Variants in SLC24A2 observed in about 807,000 individuals in gnomAD.
The protein encoded by SLC24A2 is solute carrier family 24 member 2.
Under a neutral mutation model 62.0 loss-of-function variants are expected in SLC24A2, and 36 were observed. The observed-to-expected ratio is 0.58, with a 90% CI of 0.44 to 0.77. The LOEUF is 0.77. Among genes scored for constraint, SLC24A2 ranks in the 30% least tolerant of loss-of-function variants. The pLI is 0.00. For synonymous variants in SLC24A2, 358 were observed against 294.0 expected (o/e 1.22, Z -2.23); for missense variants, 846 against 817.9 (o/e 1.03, Z -0.42).
At chr9:19,868,125 A>G in the SLC24A2 span, among the ~76,000 whole-genome samples, 1 of 152,160 alleles carries the variant, frequency 6.6e-6, no homozygotes, top group South Asian at 2.1e-4. Context: ...TGCTTAAAAC[A>G]GTAACTTCTC....
intron 2 of SLC24A2, among the ~76,000 whole-genome samples, chr9:19,684,783 T>C (rs573298064): frequency 1.3e-5 from 2 of 151,970 alleles, no homozygotes; most frequent in Non-Finnish European, 2.9e-5. Context: ...AAATTCACTA[T>C]GTTTTGAGGA....
chr9:20,042,568 T>C, the SLC24A2 span, among the ~76,000 whole-genome samples: 1 of 152,148 alleles, frequency 6.6e-6, no homozygotes, highest in African/African-American at 2.4e-5. Flanking sequence ...TCCTTCTGGG[T>C]CCTAGGCCTT....
chr9:19,774,644 C>A (rs1166382413), intron 2 of SLC24A2, among the ~76,000 whole-genome samples: 1 of 152,138 alleles, frequency 6.6e-6, no homozygotes, highest in Non-Finnish European at 1.5e-5. Flanking sequence ...GAAGGTGAAA[C>A]CTGTATTTCT....
intron 2 of SLC24A2, among the ~76,000 whole-genome samples, chr9:19,652,136 C>T (rs73646353): frequency 0.022 from 3,416 of 152,234 alleles, 137 homozygotes; most frequent in African/African-American, 0.076. Context: ...ATTTAATCTG[C>T]ATGTGATTAG....
At chr9:19,629,737 G>A (rs1818128697) in intron 2 of SLC24A2, among the ~76,000 whole-genome samples, 2 of 152,292 alleles carry the variant, frequency 1.3e-5, no homozygotes, top group East Asian at 3.9e-4. Context: ...TTATTTGGAA[G>A]TTCGGGTGGG....
At chr9:19,953,597 C>G in the SLC24A2 span, among the ~76,000 whole-genome samples, 2 of 152,030 alleles carry the variant, frequency 1.3e-5, no homozygotes, top group Admixed American at 1.3e-4. Flanking sequence ...TCAAAAGAAA[C>G]CTACAAAATT....
intron 2 of SLC24A2, among the ~76,000 whole-genome samples, chr9:19,656,063 C>T (rs1015911646): frequency 7.9e-5 from 12 of 152,128 alleles, no homozygotes; most frequent in African/African-American, 2.9e-4. Context: ...GACAAGTGGG[C>T]CCTTTCAGAA....
the SLC24A2 span, among the ~76,000 whole-genome samples, chr9:19,858,906 A>C: frequency 1.3e-5 from 2 of 152,212 alleles, no homozygotes; most frequent in East Asian, 3.8e-4. Context: ...GGTAGGAATT[A>C]AAATTAATTC....
chr9:19,750,553 C>T (rs1821953064), intron 2 of SLC24A2, among the ~76,000 whole-genome samples: 1 of 152,114 alleles, frequency 6.6e-6, no homozygotes, highest in African/African-American at 2.4e-5. Context: ...ATCTCAACAA[C>T]AGCAAAAGGG....
At chr9:20,276,642 C>T in the SLC24A2 span, among the ~76,000 whole-genome samples, 1 of 152,220 alleles carries the variant, frequency 6.6e-6, no homozygotes, top group Non-Finnish European at 1.5e-5. Flanking sequence ...TCCCCCTTCA[C>T]ATTTCCCTTC....
intron 2 of SLC24A2, among the ~76,000 whole-genome samples, chr9:19,698,656 GAT>G (rs1287277120): frequency 2.0e-5 from 3 of 152,158 alleles, no homozygotes; most frequent in African/African-American, 7.2e-5. Context: ...GCACTCTGGG[GAT>G]ATAAAGAGAA....
the SLC24A2 span, among the ~76,000 whole-genome samples, chr9:20,219,945 T>C: frequency 6.6e-6 from 1 of 152,100 alleles, no homozygotes; most frequent in African/African-American, 2.4e-5. Context: ...CTTTGGAGAG[T>C]CTATCCTACC....
At chr9:20,108,767 G>A in the SLC24A2 span, among the ~76,000 whole-genome samples, 37 of 151,942 alleles carry the variant, frequency 2.4e-4, no homozygotes, top group African/African-American at 8.0e-4. Flanking sequence ...GTTAATGGGT[G>A]CAGCACACCA....
intron 7 of SLC24A2, among the ~76,000 whole-genome samples, chr9:19,564,754 T>G (rs1835579917): frequency 6.6e-6 from 1 of 152,162 alleles, no homozygotes; most frequent in Non-Finnish European, 1.5e-5. Flanking sequence ...GACACAGTTT[T>G]TAAAAGTTGA....
the SLC24A2 span, among the ~76,000 whole-genome samples, chr9:20,005,053 A>AC: frequency 6.2e-4 from 94 of 152,324 alleles, no homozygotes; most frequent in Non-Finnish European, 1.1e-3. Flanking sequence ...TGTCAGCGAA[A>AC]TAGTTATGCT....
chr9:19,597,249 T>G lies in SLC24A2; in HGVS notation c.1109A>C (p.Tyr370Ser), dbSNP rs1336708309. ...ELGSYGKLKY[Y>S]DTMTEEGRFR... ...CTTACCTTCTTCAGTCATTGTGTCA[T>G]AATATTTTAGTTTTCCATATGATCC... Residue 370 changes from tyrosine (Y) to serine (S), a missense_variant, in exon 5 of 11, where the codon TAT becomes TCT. By Grantham distance (144) the Tyr-to-Ser change is moderately radical. Transcript: ENST00000341998. The G allele has an allele frequency of 6.3e-7, 1 of 1,587,790 alleles. No individual in the cohort carries two copies. The highest frequency in any genetic ancestry group is 1.3e-5 in the African/African-American group (1 of 74,500).
At chr9:19,795,620 A>T in the SLC24A2 span, among the ~76,000 whole-genome samples, 113,325 of 151,854 alleles carry the variant, frequency 0.75, 45,740 homozygotes, top group Non-Finnish European at 0.91. Flanking sequence ...TAATGAGGTC[A>T]CTTTCCTGTC....
At chr9:19,731,428 C>T (rs1821330178) in intron 2 of SLC24A2, among the ~76,000 whole-genome samples, 1 of 152,026 alleles carries the variant, frequency 6.6e-6, no homozygotes, top group Non-Finnish European at 1.5e-5. Context: ...AAGTTAAATA[C>T]AATCATAAGG....
intron 2 of SLC24A2, among the ~76,000 whole-genome samples, chr9:19,668,740 C>T (rs970774383): frequency 1.3e-5 from 2 of 152,164 alleles, no homozygotes; most frequent in African/African-American, 4.8e-5. Flanking sequence ...GATACACAAC[C>T]CTGAACCTTC....
Sources: allele counts gnomAD v4.1 joint callset (sites outside exome capture counted in the v4.1 genomes callset), GRCh38; gene constraint gnomAD v4.1.1; transcripts MANE v1.5; gene names NCBI Gene and HGNC (gene_info 2026-07-23, HGNC 2026-07-21).